STXBP3: variants seen among roughly 807,000 people sequenced by gnomAD.
The protein encoded by STXBP3 is syntaxin binding protein 3.
Under a neutral mutation model 85.7 loss-of-function variants are expected in STXBP3, and 41 were observed. That is an observed-to-expected ratio of 0.48 (90% CI 0.37 to 0.62). STXBP3 has a LOEUF of 0.62. STXBP3 is among the 20% of genes least tolerant of loss of function. The pLI, the probability that STXBP3 is intolerant of heterozygous loss-of-function variation, is 0.00. For missense variants in STXBP3, 563 were observed against 703.1 expected (o/e 0.80, Z 2.25); for synonymous variants, 229 against 231.7 (o/e 0.99, Z 0.10).
rs371311085 is a variant in STXBP3, at chr1:108,799,154, A to G, written c.1449+917A>G. On this transcript the variant is annotated intron_variant, in intron 16 of 18. Coordinates refer to ENST00000370008, the MANE Select transcript of STXBP3 (RefSeq NM_007269.4). ...ACCCCAGTTTATACTTTCTTTGGGG[A>G]GCTAATTTGGTACAGTGCATAACTA... is the stretch of plus-strand genomic sequence containing the variant. 1.9e-4 allele frequency among the ~76,000 whole-genome samples: 29 copies of G among 152,050 alleles called. No homozygotes were observed. The East Asian group carries it at 4.4e-3, about 23-fold the overall frequency.
chr1:108,758,727 T>G, intron 5 of STXBP3, 139 bp downstream of exon 5: 1 of 403,958 alleles, frequency 2.5e-6, no homozygotes, highest in Non-Finnish European at 4.5e-6. Context: ...GATTTTCTAT[T>G]TATCATTTGT....
intron 11 of STXBP3, among the ~76,000 whole-genome samples, chr1:108,786,353 G>T (rs1662824220): frequency 6.6e-6 from 1 of 152,152 alleles, no homozygotes; most frequent in African/African-American, 2.4e-5. Context: ...CCATTATTCA[G>T]TTATCTCCAC....
At chr1:108,774,107 CATG>C (rs1288323877) in intron 7 of STXBP3, among the ~76,000 whole-genome samples, 1 of 152,096 alleles carries the variant, frequency 6.6e-6, no homozygotes, top group African/African-American at 2.4e-5. Flanking sequence ...AATGGAACCA[CATG>C]ATATTTTTTG....
intron 11 of STXBP3, among the ~76,000 whole-genome samples, chr1:108,784,258 C>T (rs1164295801): frequency 1.3e-5 from 2 of 152,062 alleles, no homozygotes; most frequent in African/African-American, 2.4e-5. Context: ...TCTCACACTG[C>T]CATGAATAAA....
chr1:108,795,232 G>A (rs957052644), intron 13 of STXBP3, among the ~76,000 whole-genome samples: 1 of 152,148 alleles, frequency 6.6e-6, no homozygotes, highest in Non-Finnish European at 1.5e-5. Context: ...GCATCCAGCA[G>A]AGCTCATTTT....
intron 3 of STXBP3, among the ~76,000 whole-genome samples, chr1:108,754,137 A>G (rs1224752356): frequency 4.0e-5 from 6 of 151,314 alleles, no homozygotes; most frequent in Non-Finnish European, 7.4e-5. Context: ...GGTTCAAACA[A>G]TCCTCCCATC....
rs751591013 is a variant in STXBP3, at chr1:108,779,429, G to A, written c.809+19G>A. Reference sequence around the variant, plus strand: ...CATACAAGCAAGTATAACTTGAAGGGCATATAAAGGGCATATACAAACAGG... The same window carrying A: ...CATACAAGCAAGTATAACTTGAAGGACATATAAAGGGCATATACAAACAGG... On this transcript the variant is annotated intron_variant, in intron 9 of 18. Transcript: ENST00000370008. 5.1e-5 allele frequency: 82 copies of A among 1,602,390 alleles called. No homozygotes were observed. Among genetic ancestry groups the A allele is most frequent in the Non-Finnish European group, 7.0e-5 (82 of 1,174,084 alleles).
intron 11 of STXBP3, among the ~76,000 whole-genome samples, chr1:108,787,312 A>G (rs1178948143): frequency 6.6e-6 from 1 of 152,146 alleles, no homozygotes; most frequent in African/African-American, 2.4e-5. Flanking sequence ...AATAAAGAAA[A>G]TTTAGTGTCT....
At chr1:108,772,342 A>G (rs1184409588) in intron 6 of STXBP3, among the ~76,000 whole-genome samples, 1 of 51,402 alleles carries the variant, frequency 1.9e-5, no homozygotes, top group East Asian at 2.3e-4. Context: ...ATCATATATA[A>G]ATACATATGA....
intron 11 of STXBP3, among the ~76,000 whole-genome samples, chr1:108,787,518 T>TG (rs1662858468): frequency 6.6e-6 from 1 of 151,758 alleles, no homozygotes; most frequent in Non-Finnish European, 1.5e-5. Flanking sequence ...CAAAATAAGG[T>TG]GGGTTAGACA....
At chr1:108,756,230 G>A (rs1031680328) in intron 3 of STXBP3, among the ~76,000 whole-genome samples, 12 of 152,122 alleles carry the variant, frequency 7.9e-5, no homozygotes, top group African/African-American at 2.9e-4. Context: ...AAGAATAGGC[G>A]TTAATTGGCA....
intron 17 of STXBP3, among the ~76,000 whole-genome samples, chr1:108,803,771 C>A (rs1244068262): frequency 1.3e-5 from 2 of 152,204 alleles, no homozygotes; most frequent in Non-Finnish European, 2.9e-5. Context: ...CAGGTGTGCG[C>A]CACTACGCCT....
intron 9 of STXBP3, chr1:108,780,755 T>A (rs1015548796): frequency 3.5e-5 from 5 of 141,758 alleles, no homozygotes; most frequent in Non-Finnish European, 6.1e-5. Flanking sequence ...GGTGCCTTCT[T>A]TAAATTTACT....
chr1:108,775,242 T>C (rs1010111808), intron 7 of STXBP3, among the ~76,000 whole-genome samples: 4 of 152,132 alleles, frequency 2.6e-5, no homozygotes, highest in Non-Finnish European at 5.9e-5. Flanking sequence ...GAGGTTGTTA[T>C]GCTGGTGAAG....
At chr1:108,763,207 A>G (rs1190060380) in intron 6 of STXBP3, among the ~76,000 whole-genome samples, 1 of 152,266 alleles carries the variant, frequency 6.6e-6, no homozygotes, top group Non-Finnish European at 1.5e-5. Context: ...ACATTCCAAC[A>G]TACAATCTAA....
At chr1:108,770,590 G>C (rs1662370061) in intron 6 of STXBP3, among the ~76,000 whole-genome samples, 1 of 152,108 alleles carries the variant, frequency 6.6e-6, no homozygotes, top group South Asian at 2.1e-4. Flanking sequence ...CCAGAGAAAT[G>C]AATAACTGTG....
chr1:108,789,848 A>ATG (rs1294885971), intron 11 of STXBP3, among the ~76,000 whole-genome samples: 3 of 152,032 alleles, frequency 2.0e-5, no homozygotes, highest in Non-Finnish European at 4.4e-5. Context: ...GGCGAATCAC[A>ATG]TGTGGCTAGG....
intron 13 of STXBP3, 29 bp from the exon 14 acceptor site, chr1:108,796,205 A>G (rs752602478): frequency 6.3e-7 from 1 of 1,599,416 alleles, no homozygotes; most frequent in South Asian, 1.1e-5. Context: ...TTGGTTATAG[A>G]TCACTGACAA....
At chr1:108,769,309 A>T (rs897769471) in intron 6 of STXBP3, among the ~76,000 whole-genome samples, 1 of 151,972 alleles carries the variant, frequency 6.6e-6, no homozygotes, top group African/African-American at 2.4e-5. Flanking sequence ...GAGGCAGAGG[A>T]GGTGGCAGGG....
Sources: allele counts gnomAD v4.1 joint callset (sites outside exome capture counted in the v4.1 genomes callset), GRCh38; gene constraint gnomAD v4.1.1; transcripts MANE v1.5; gene names NCBI Gene and HGNC (gene_info 2026-07-23, HGNC 2026-07-21).